Variants in KCNIP4 observed in about 807,000 individuals in gnomAD.
KCNIP4 encodes the protein Kv channel-interacting protein 4.
Under a neutral mutation model 34.0 loss-of-function variants are expected in KCNIP4, and 12 were observed. The ratio of observed to expected loss-of-function variants is 0.35; its 90% CI spans 0.23 to 0.57. The LOEUF is 0.57. Ranked by LOEUF, KCNIP4 falls within the 20% of genes least tolerant of loss-of-function variation. The pLI, the probability that KCNIP4 is intolerant of heterozygous loss-of-function variation, is 0.83. For missense variants in KCNIP4, 238 were observed against 311.7 expected, an observed-to-expected ratio of 0.76 and a Z score of 1.78; for synonymous variants, 124 against 102.2, an observed-to-expected ratio of 1.21 and a Z score of -1.29.
chr4:21,755,134 G>A (rs1335180518), intron 1 of KCNIP4, among the ~76,000 whole-genome samples: 5 of 152,102 alleles, frequency 3.3e-5, no homozygotes, highest in Non-Finnish European at 7.4e-5. Context: ...GCAAGACACC[G>A]TCTCAAAAAG....
At chr4:21,678,762 C>G (rs1464792518) in intron 1 of KCNIP4, among the ~76,000 whole-genome samples, 1 of 152,142 alleles carries the variant, frequency 6.6e-6, no homozygotes, top group Admixed American at 6.5e-5. Context: ...GATAGTCTAT[C>G]TTGACTACTC....
chr4:21,693,397 G>A (rs982271609), intron 1 of KCNIP4, among the ~76,000 whole-genome samples: 1 of 151,894 alleles, frequency 6.6e-6, no homozygotes, highest in African/African-American at 2.4e-5. Flanking sequence ...CTCGTCTCTA[G>A]TAAAAATACA....
chr4:21,421,312 T>C (rs1023173272), intron 1 of KCNIP4, among the ~76,000 whole-genome samples: 2 of 152,206 alleles, frequency 1.3e-5, no homozygotes, highest in Non-Finnish European at 2.9e-5. Flanking sequence ...TGAAGAGATA[T>C]CTGCACTCTC....
At chr4:20,905,813 C>T (rs1383107418) in intron 1 of KCNIP4, among the ~76,000 whole-genome samples, 1 of 151,862 alleles carries the variant, frequency 6.6e-6, no homozygotes. Flanking sequence ...AGCCACCATC[C>T]CTGGCCTAGT....
chr4:20,983,918 G>A (rs1371080263), intron 1 of KCNIP4: 2 of 1,536,136 alleles, frequency 1.3e-6, no homozygotes, highest in Non-Finnish European at 8.7e-7. Context: ...CCACTCCAGA[G>A]TCAACATCCT....
At chr4:21,005,555 A>G (rs890718976) in intron 1 of KCNIP4, among the ~76,000 whole-genome samples, 3 of 152,210 alleles carry the variant, frequency 2.0e-5, no homozygotes, top group Admixed American at 6.5e-5. Context: ...AACTTCCTTA[A>G]AACACAGTAT....
chr4:20,968,251 G>A (rs1350598359), intron 1 of KCNIP4, among the ~76,000 whole-genome samples: 1 of 152,140 alleles, frequency 6.6e-6, no homozygotes, highest in Non-Finnish European at 1.5e-5. Flanking sequence ...CAGTTAGAAT[G>A]GTGATCATTA....
chr4:21,400,681 C>A (rs1384907700), intron 1 of KCNIP4, among the ~76,000 whole-genome samples: 1 of 152,004 alleles, frequency 6.6e-6, no homozygotes, highest in Non-Finnish European at 1.5e-5. Flanking sequence ...TGTGACCAAG[C>A]ATCCAACTGG....
chr4:21,254,814 A>G (rs1760949844), intron 1 of KCNIP4, among the ~76,000 whole-genome samples: 1 of 152,156 alleles, frequency 6.6e-6, no homozygotes, highest in Non-Finnish European at 1.5e-5. Context: ...TTTCTCAGAA[A>G]ACTTTAAACC....
chr4:21,807,709 C>T (rs1295555183), intron 1 of KCNIP4, among the ~76,000 whole-genome samples: 1 of 152,140 alleles, frequency 6.6e-6, no homozygotes, highest in East Asian at 1.9e-4. Flanking sequence ...TTAAAATTCT[C>T]TATTACTCAG....
chr4:21,018,480 A>G (rs1739750072), intron 1 of KCNIP4, among the ~76,000 whole-genome samples: 1 of 152,148 alleles, frequency 6.6e-6, no homozygotes, highest in South Asian at 2.1e-4. Context: ...CACACCTCCC[A>G]CAGACTCTTT....
Position 21,284,086 on chromosome 4 carries a change from G to A in KCNIP4, c.62-401377C>T, listed in dbSNP as rs928840510. Among the ~76,000 whole-genome samples the A allele has an allele frequency of 9.2e-5, 14 of 151,906 alleles. No individual in the cohort carries two copies. The South Asian group carries it at 1.0e-3, about 11-fold the overall frequency. Reference sequence around the variant, plus strand: ...AAATTAGCCAGGTGTGGTGGCGGGCGCCTGTAGTCCCAGCTACTTGGGAGG... The same window carrying A: ...AAATTAGCCAGGTGTGGTGGCGGGCACCTGTAGTCCCAGCTACTTGGGAGG... On this transcript the variant is annotated intron_variant, in intron 1 of 8. Coordinates refer to ENST00000382152, the MANE Select transcript of KCNIP4 (RefSeq NM_025221.6).
chr4:21,779,528 T>C (rs1367879633), intron 1 of KCNIP4, among the ~76,000 whole-genome samples: 1 of 152,106 alleles, frequency 6.6e-6, no homozygotes, highest in Admixed American at 6.6e-5. Context: ...AAATGTCACA[T>C]TGTACACCAT....
intron 1 of KCNIP4, among the ~76,000 whole-genome samples, chr4:21,905,442 A>G (rs1440875998): frequency 6.6e-6 from 1 of 152,026 alleles, no homozygotes; most frequent in Non-Finnish European, 1.5e-5. Flanking sequence ...TTTAGGGTAC[A>G]TGTGCACAAC....
intron 1 of KCNIP4, among the ~76,000 whole-genome samples, chr4:21,110,562 T>A (rs1366200867): frequency 6.6e-6 from 1 of 152,266 alleles, no homozygotes; most frequent in African/African-American, 2.4e-5. Context: ...TAATTTTGTT[T>A]ATATTTCATT....
At chr4:20,983,696 A>T (rs953797275) in intron 1 of KCNIP4, 3 of 783,254 alleles carry the variant, frequency 3.8e-6, no homozygotes, top group Non-Finnish European at 4.1e-6. Flanking sequence ...GCTCTATGCC[A>T]AACATGCATA....
intron 1 of KCNIP4, among the ~76,000 whole-genome samples, chr4:21,075,227 T>C (rs1400705783): frequency 1.3e-5 from 2 of 152,174 alleles, no homozygotes; most frequent in East Asian, 1.9e-4. Context: ...TGTCTAATGT[T>C]GACAGTGGGG....
intron 3 of KCNIP4, among the ~76,000 whole-genome samples, chr4:20,794,898 G>GA (rs1223492854): frequency 1.3e-5 from 2 of 152,088 alleles, no homozygotes; most frequent in African/African-American, 2.4e-5. Flanking sequence ...AAATTTTTGA[G>GA]AAAAAGGTGT....
At chr4:21,052,133 A>G (rs73802441) in intron 1 of KCNIP4, among the ~76,000 whole-genome samples, 1 of 152,158 alleles carries the variant, frequency 6.6e-6, no homozygotes, top group Non-Finnish European at 1.5e-5. Context: ...ATACCAAATT[A>G]TCATCATATT....
Sources: gnomAD v4.1 joint callset for allele counts (sites outside exome capture counted in the v4.1 genomes callset) on GRCh38, gnomAD v4.1.1 for gene constraint, MANE v1.5 for transcripts, NCBI Gene and HGNC (gene_info 2026-07-23, HGNC 2026-07-21) for gene names.